The following PIGX variants were observed in gnomAD, a reference collection of about 807,000 sequenced individuals.
The protein encoded by PIGX is GPI alpha-1,4-mannosyltransferase I, stabilizing subunit.
In PIGX, 24 loss-of-function variants were observed where a neutral mutation model predicts 28.7. The ratio of observed to expected loss-of-function variants is 0.84; its 90% CI spans 0.60 to 1.17. The LOEUF (loss-of-function observed/expected upper bound fraction) is 1.17, where lower values mean the gene tolerates loss of function less well. Among genes scored for constraint, PIGX ranks in the 50% most tolerant of loss-of-function variants. The pLI is 0.00. For synonymous variants in PIGX, 127 were observed against 121.0 expected, an observed-to-expected ratio of 1.05 and a Z score of -0.33; for missense variants, 305 against 317.8, an observed-to-expected ratio of 0.96 and a Z score of 0.31.
chr3:196,723,306 A>C (rs780388867), intron 3 of PIGX, among the ~76,000 whole-genome samples: 18 of 152,204 alleles, frequency 1.2e-4, no homozygotes, highest in Non-Finnish European at 2.2e-4. Flanking sequence ...GCATCATTGC[A>C]CTCCAGCCTG....
chr3:196,721,493 T>C (rs1429856116), intron 2 of PIGX: 1 of 160,014 alleles, frequency 6.2e-6, no homozygotes, highest in African/African-American at 2.4e-5. Context: ...TGGAATATAA[T>C]GGCGCTATCA....
chr3:196,722,096 C>T (rs1712350176), intron 2 of PIGX, among the ~76,000 whole-genome samples: 1 of 152,146 alleles, frequency 6.6e-6, no homozygotes, highest in Non-Finnish European at 1.5e-5. Flanking sequence ...GTTTCAGTGC[C>T]ATTTGTTGAA....
chr3:196,725,153 G>C (rs952651169), intron 3 of PIGX, among the ~76,000 whole-genome samples: 1 of 152,146 alleles, frequency 6.6e-6, no homozygotes, highest in Admixed American at 6.5e-5. Context: ...TTTGAAAGCA[G>C]TATAATATTA....
intron 2 of PIGX, among the ~76,000 whole-genome samples, chr3:196,720,202 G>A (rs1347135658): frequency 6.6e-6 from 1 of 152,120 alleles, no homozygotes; most frequent in African/African-American, 2.4e-5. Context: ...CTTGCCTATT[G>A]AGCAATAACT....
Position 196,735,016 on chromosome 3 carries a change from C to A in PIGX, c.*1114C>A. ...GCTAATTAAAAAATAAAACCTTGGC[C>A]GGGCGCGGTGGCTTACGCCTATAAT... On this transcript the variant is annotated 3_prime_UTR_variant, in exon 6 of 6. Transcript: ENST00000392391. 1 of 151,922 alleles carries A rather than the reference C, an allele frequency of 6.6e-6. No individual in the cohort carries two copies. Among genetic ancestry groups the A allele is most frequent in the East Asian group, 1.9e-4 (1 of 5,190 alleles). The allele number at this position is 151,922 out of a possible 1,614,324, so 9.4% of individuals were successfully genotyped here.
At chr3:196,732,248 A>ATTT (rs1454074031) in intron 5 of PIGX, among the ~76,000 whole-genome samples, 4 of 23,970 alleles carry the variant, frequency 1.7e-4, no homozygotes, top group African/African-American at 6.7e-4. Flanking sequence ...ATATATATAT[A>ATTT]TATATATATT....
At chr3:196,728,593 C>G in intron 4 of PIGX, 1 of 735,500 alleles carries the variant, frequency 1.4e-6, no homozygotes, top group Admixed American at 1.9e-5. Context: ...TTCTTCAACA[C>G]TGATCTGTTG....
chr3:196,730,848 A>G (rs930359514), intron 4 of PIGX, 144 bp from the exon 5 acceptor site: 9 of 395,198 alleles, frequency 2.3e-5, no homozygotes, highest in African/African-American at 1.0e-4. Flanking sequence ...GGATGCTAAA[A>G]TAACAGAATG....
At position 196,734,200 on chromosome 3, in the gene PIGX, T is replaced by G. The variant is rs1405484176; in HGVS notation, c.*298T>G. 1 of 272,800 alleles carries G rather than the reference T, an allele frequency of 3.7e-6. No homozygotes were observed. The highest frequency in any genetic ancestry group is 2.2e-5 in the African/African-American group (1 of 45,092). 16.9% of individuals were successfully genotyped at this position (272,800 alleles called of 1,614,324 possible). A position where few individuals can be genotyped will look rare whatever the true frequency, so the allele number is the denominator to read the frequency against. On this transcript the variant is annotated 3_prime_UTR_variant, in exon 6 of 6. Coordinates refer to ENST00000392391, the MANE Select transcript of PIGX (RefSeq NM_017861.4). ...CATTTGGGGTAGAAAAATTATTTCT[T>G]TATGTAGTAGAGACAAATTATTCTC...
chr3:196,715,473 CA>C (rs1435245860), intron 1 of PIGX, among the ~76,000 whole-genome samples: 1 of 152,174 alleles, frequency 6.6e-6, no homozygotes, highest in Non-Finnish European at 1.5e-5. Context: ...AAAGTTAAAA[CA>C]CATATGAAAG....
At chr3:196,717,842 G>A (rs1311676337) in intron 2 of PIGX, 1 of 152,056 alleles carries the variant, frequency 6.6e-6, no homozygotes, top group Non-Finnish European at 1.5e-5. Context: ...TTCCAAAAAA[G>A]AAATTATCTT....
chr3:196,728,509 G>A (rs1712615303), intron 4 of PIGX, among the ~76,000 whole-genome samples: 1 of 151,992 alleles, frequency 6.6e-6, no homozygotes, highest in South Asian at 2.1e-4. Flanking sequence ...CAAGACTAAG[G>A]TCTTGTCCAT....
chr3:196,718,611 A>C (rs9790275), intron 2 of PIGX, among the ~76,000 whole-genome samples: 62,410 of 151,922 alleles, frequency 0.41, 13,039 homozygotes, highest in East Asian at 0.56. Flanking sequence ...ATATCTGGAT[A>C]TGTTTTGCTA....
intron 2 of PIGX, among the ~76,000 whole-genome samples, chr3:196,720,047 G>A (rs1712256083): frequency 6.6e-6 from 1 of 152,148 alleles, no homozygotes; most frequent in Admixed American, 6.6e-5. Context: ...CGAAGTGTGG[G>A]GATTACAGGC....
chr3:196,733,222 GA>G lies in PIGX; in HGVS notation c.634-535del, dbSNP rs1712880882. ...AATGAGATTTAACAAATTATTGTGG[GA>G]ATTGAGTCTGATTCTGTAACATTAA... On this transcript the variant is annotated intron_variant, in intron 5 of 5. Transcript: ENST00000392391. The surrounding 1 kb of genome is among the most constrained non-coding windows in gnomAD (Gnocchi z 4.3). 1.3e-5 allele frequency among the ~76,000 whole-genome samples: 2 copies of G among 152,078 alleles called. No homozygotes were observed. Among genetic ancestry groups the G allele is most frequent in the Admixed American group, 1.3e-4 (2 of 15,270 alleles).
intron 2 of PIGX, among the ~76,000 whole-genome samples, chr3:196,721,745 C>A (rs929867088): frequency 6.6e-6 from 1 of 151,870 alleles, no homozygotes; most frequent in Non-Finnish European, 1.5e-5. Flanking sequence ...CCATCCCCGG[C>A]CTATTTTTTC....
In PIGX at chr3:196,733,945, T is replaced by A. The variant is rs1712918788; in HGVS notation, c.*43T>A. The A allele has an allele frequency of 8.2e-7, 1 of 1,222,476 alleles. No homozygotes were observed. Among genetic ancestry groups the A allele is most frequent in the Non-Finnish European group, 1.2e-6 (1 of 832,034 alleles). The allele number at this position is 1,222,476 out of a possible 1,614,324, so 75.7% of individuals were successfully genotyped here. Reference sequence around the variant, plus strand: ...GCTTCCTAGAAACCTAAATAAGATCTATTAATTTCTGACGAGAGGTGTTCT... The same window carrying A: ...GCTTCCTAGAAACCTAAATAAGATCAATTAATTTCTGACGAGAGGTGTTCT... On this transcript the variant is annotated 3_prime_UTR_variant, in exon 6 of 6. Transcript: ENST00000392391. The surrounding 1 kb of genome is among the most constrained non-coding windows in gnomAD (Gnocchi z 4.3).
Position 196,712,634 on chromosome 3 carries a change from C to T in PIGX, c.102C>T (p.Arg34=). The change falls in exon 1 of 6, where the codon CGC becomes CGT. Residue 34 remains arginine, a synonymous_variant. Coordinates refer to ENST00000392391, the MANE Select transcript of PIGX (RefSeq NM_017861.4). ...CCGCCGCGGCCTTCACCGCCGCGCGCTCTGACGCCGGTAAGGGGGGCGGGG... is the reference window on the plus strand; with the variant it reads ...CCGCCGCGGCCTTCACCGCCGCGCGTTCTGACGCCGGTAAGGGGGGCGGGG... 2 of 1,189,592 alleles carry T rather than the reference C, an allele frequency of 1.7e-6. No homozygotes were observed. Among genetic ancestry groups the T allele is most frequent in the Non-Finnish European group, 2.1e-6 (2 of 960,578 alleles). 73.7% of individuals were successfully genotyped at this position (1,189,592 alleles called of 1,614,324 possible).
At chr3:196,722,876 A>G (rs1042151165) in intron 3 of PIGX, among the ~76,000 whole-genome samples, 6 of 152,244 alleles carry the variant, frequency 3.9e-5, no homozygotes, top group Non-Finnish European at 7.3e-5. Flanking sequence ...AGAATGACAT[A>G]TACCCCAACA....
Sources: allele counts gnomAD v4.1 joint callset (sites outside exome capture counted in the v4.1 genomes callset), GRCh38; gene constraint gnomAD v4.1.1; non-coding constraint Gnocchi (gnomAD v3.1); transcripts MANE v1.5; gene names NCBI Gene and HGNC (gene_info 2026-07-23, HGNC 2026-07-21).